Variants in XRRA1 observed in about 807,000 individuals in gnomAD.
XRRA1 encodes the protein X-ray radiation resistance-associated protein 1.
XRRA1 carries 69 observed loss-of-function variants against 80.2 expected under a neutral mutation model. That is an observed-to-expected ratio of 0.86 (90% CI 0.71 to 1.05). The LOEUF is 1.05. XRRA1 is among the 50% of genes least tolerant of loss of function. XRRA1 has a pLI of 0.00. For missense variants in XRRA1, 967 were observed against 976.4 expected, an observed-to-expected ratio of 0.99 and a Z score of 0.13; for synonymous variants, 348 against 389.9, an observed-to-expected ratio of 0.89 and a Z score of 1.27.
chr11:74,855,088 A>T (rs1328234758), intron 12 of XRRA1, among the ~76,000 whole-genome samples: 2 of 152,190 alleles, frequency 1.3e-5, no homozygotes, highest in East Asian at 3.8e-4. Context: ...TACCTTTCTC[A>T]TTTGTTGCCA....
chr11:74,927,978 C>T (rs1446521938), intron 6 of XRRA1, among the ~76,000 whole-genome samples: 1 of 152,166 alleles, frequency 6.6e-6, no homozygotes, highest in Non-Finnish European at 1.5e-5. Context: ...TCATACTGTA[C>T]ACACTGTACT....
intron 10 of XRRA1, among the ~76,000 whole-genome samples, chr11:74,880,757 T>C (rs1226449440): frequency 2.0e-5 from 3 of 151,330 alleles, no homozygotes; most frequent in African/African-American, 7.3e-5. Flanking sequence ...TCAGTTTCCA[T>C]GTAGTTGAGC....
At position 74,933,843 on chromosome 11, in the gene XRRA1, T is replaced by A. The variant is rs752928594; in HGVS notation, c.309A>T (p.Ser103=). The A allele has an allele frequency of 6.2e-7, 1 of 1,604,674 alleles. No individual in the cohort carries two copies. The highest frequency in any genetic ancestry group is 1.3e-5 in the African/African-American group (1 of 74,926). ...LLKHHCVRKP[S]DLCTINVSGL... ...CACTCACATTAATGGTGCACAGATC[T>A]GATGGCTTCCTCACACAGTGGTGCT... The change falls in exon 5 of 19, where the codon TCA becomes TCT. Residue 103 remains serine (S), a synonymous_variant. Coordinates refer to ENST00000684022, the MANE Select transcript of XRRA1 (RefSeq NM_001378157.1).
At chr11:74,858,937 GAGC>G (rs1394634593) in intron 12 of XRRA1, among the ~76,000 whole-genome samples, 1 of 152,200 alleles carries the variant, frequency 6.6e-6, no homozygotes. Context: ...GCCTACCACA[GAGC>G]CTGGCACATG....
At chr11:74,861,740 T>C (rs1280760074) in intron 11 of XRRA1, among the ~76,000 whole-genome samples, 1 of 152,192 alleles carries the variant, frequency 6.6e-6, no homozygotes, top group South Asian at 2.1e-4. Context: ...GACTGCTGCA[T>C]TATAGTAAAA....
intron 10 of XRRA1, among the ~76,000 whole-genome samples, chr11:74,868,382 T>C (rs1176071705): frequency 6.6e-6 from 1 of 152,214 alleles, no homozygotes; most frequent in Non-Finnish European, 1.5e-5. Context: ...AAGGGAGTGC[T>C]AAACTTGGAA....
chr11:74,866,788 T>C (rs950226975), intron 10 of XRRA1, among the ~76,000 whole-genome samples: 2 of 151,022 alleles, frequency 1.3e-5, no homozygotes, highest in African/African-American at 4.9e-5. Context: ...TATGAAAATA[T>C]ACAGTCAGAG....
chr11:74,868,989 C>T (rs1321710246), intron 10 of XRRA1, among the ~76,000 whole-genome samples: 1 of 152,022 alleles, frequency 6.6e-6, no homozygotes, highest in Non-Finnish European at 1.5e-5. Context: ...AATACTTGAC[C>T]ATATGGACCC....
intron 4 of XRRA1, among the ~76,000 whole-genome samples, chr11:74,934,948 T>C (rs1204486295): frequency 6.6e-6 from 1 of 152,198 alleles, no homozygotes; most frequent in African/African-American, 2.4e-5. Context: ...ACTTTCCTAA[T>C]AACCACTACT....
chr11:74,878,374 G>A (rs983496321), intron 10 of XRRA1, among the ~76,000 whole-genome samples: 2 of 151,732 alleles, frequency 1.3e-5, no homozygotes, highest in African/African-American at 4.8e-5. Context: ...CCCTTTGTCA[G>A]AGGAGTAGGT....
In XRRA1 at chr11:74,933,872, G is replaced by A. The variant is rs757133283; in HGVS notation, c.280C>T (p.Leu94=). 4 of 1,602,140 alleles carry A rather than the reference G, an allele frequency of 2.5e-6. No homozygotes were observed. The highest frequency in any genetic ancestry group is 1.7e-6 in the Non-Finnish European group (2 of 1,174,170). The part of the protein sequence containing the change: ...PGHILDQAFL[L]KHHCVRKPSD... ...GGCTTCCTCACACAGTGGTGCTTCA[G>A]CTGGAACATAATACAAAGAGTTGTC... The change falls in exon 5 of 19, where the codon CTG becomes TTG. Residue 94 remains leucine, a splice_region_variant and synonymous_variant. Transcript: ENST00000684022.
chr11:74,918,491 G>A (rs1368321015), intron 8 of XRRA1, among the ~76,000 whole-genome samples: 1 of 152,190 alleles, frequency 6.6e-6, no homozygotes, highest in East Asian at 1.9e-4. Flanking sequence ...GATGGTGAAA[G>A]TGTCTTCAGT....
intron 10 of XRRA1, among the ~76,000 whole-genome samples, chr11:74,890,423 G>A (rs1338704918): frequency 2.0e-5 from 3 of 152,190 alleles, no homozygotes; most frequent in Non-Finnish European, 4.4e-5. Context: ...GAAATTTATA[G>A]CACTAAATGC....
At chr11:74,892,445 A>G (rs1296785882) in intron 10 of XRRA1, among the ~76,000 whole-genome samples, 1 of 152,240 alleles carries the variant, frequency 6.6e-6, no homozygotes, top group Non-Finnish European at 1.5e-5. Context: ...CTAAAACCAT[A>G]AAAGCCCTAG....
intron 1 of XRRA1, among the ~76,000 whole-genome samples, chr11:74,948,220 C>T (rs1948025176): frequency 6.6e-6 from 1 of 152,158 alleles, no homozygotes; most frequent in South Asian, 2.1e-4. Context: ...TACAATACTG[C>T]TATTTGATAA....
At chr11:74,936,609 AACT>A (rs2139732769) in intron 4 of XRRA1, among the ~76,000 whole-genome samples, 1 of 152,358 alleles carries the variant, frequency 6.6e-6, no homozygotes, top group African/African-American at 2.4e-5. Context: ...AGCCAAGGCA[AACT>A]ACTTCTTGGA....
intron 14 of XRRA1, among the ~76,000 whole-genome samples, chr11:74,849,087 C>T (rs2039097428): frequency 6.6e-6 from 1 of 152,230 alleles, no homozygotes. Context: ...TCCTCAGCCT[C>T]AGCTGCCAGG....
chr11:74,844,935 C>T (rs2037641114), intron 16 of XRRA1, 138 bp downstream of exon 16: 1 of 809,838 alleles, frequency 1.2e-6, no homozygotes, highest in Non-Finnish European at 2.0e-6. Context: ...TAAAAGGAGC[C>T]CTTTGACAGG....
chr11:74,931,419 G>C (rs951196961), intron 5 of XRRA1, among the ~76,000 whole-genome samples: 5 of 151,588 alleles, frequency 3.3e-5, no homozygotes, highest in African/African-American at 1.2e-4. Context: ...CCACCTTCTG[G>C]GTTCAAGTGA....
Sources: allele counts gnomAD v4.1 joint callset (sites outside exome capture counted in the v4.1 genomes callset), GRCh38; gene constraint gnomAD v4.1.1; transcripts MANE v1.5; gene names NCBI Gene and HGNC (gene_info 2026-07-23, HGNC 2026-07-21).